The following USP6NL variants were observed in gnomAD, a reference collection of about 807,000 sequenced individuals.
The protein encoded by USP6NL is USP6 N-terminal like, also known as USP6 N-terminal-like protein.
USP6NL carries 26 observed loss-of-function variants against 61.9 expected under a neutral mutation model. That is an observed-to-expected ratio of 0.42 (90% CI 0.31 to 0.58). The LOEUF is 0.58. Ranked by LOEUF, USP6NL falls within the 20% of genes least tolerant of loss-of-function variation. The pLI is 0.16. For missense variants in USP6NL, 1,114 were observed against 1,034.3 expected (o/e 1.08, Z -1.06); for synonymous variants, 432 against 390.1 (o/e 1.11, Z -1.27).
At chr10:11,498,455 G>C (rs1416599270) in intron 7 of USP6NL, among the ~76,000 whole-genome samples, 2 of 151,782 alleles carry the variant, frequency 1.3e-5, no homozygotes, top group African/African-American at 4.8e-5. Flanking sequence ...AGCTTGGATA[G>C]TAAATCCTAC....
At position 11,591,243 on chromosome 10, in the gene USP6NL, T is replaced by C. The variant is rs1838150436; in HGVS notation, c.4+6388A>G. ...GAATTCGAAATAGTTCTCTTAAGAA[T>C]GGAGAGTCTCTTGAAACTATTATAA... On this transcript the variant is annotated intron_variant, in intron 2 of 14. Coordinates refer to ENST00000609104, the MANE Select transcript of USP6NL (RefSeq NM_014688.5). The surrounding 1 kb of genome is among the most constrained non-coding windows in gnomAD (Gnocchi z 4.7). Among the ~76,000 whole-genome samples, 1 of 152,184 alleles carries C rather than the reference T, an allele frequency of 6.6e-6. No individual in the cohort carries two copies. Among genetic ancestry groups the C allele is most frequent in the Non-Finnish European group, 1.5e-5 (1 of 68,024 alleles).
chr10:11,476,078 AG>A lies in USP6NL; in HGVS notation c.1078+5691del, dbSNP rs71511385. On this transcript the variant is annotated intron_variant, in intron 14 of 14. Transcript: ENST00000609104. This position sits in a 1 kb window ranked among gnomAD's most constrained non-coding sequence, Gnocchi z 4.3. ...GAGGAAAACAAAAGGTGGGGTGAAG[AG>A]GGGGGAAGAGGAAAGGTGTACTGCT... Among the ~76,000 whole-genome samples the A allele has an allele frequency of 2.0e-5, 3 of 152,226 alleles. No homozygotes were observed. The highest frequency in any genetic ancestry group is 7.2e-5 in the African/African-American group (3 of 41,542).
intron 2 of USP6NL, among the ~76,000 whole-genome samples, chr10:11,549,191 C>T (rs1042015101): frequency 2.0e-5 from 3 of 152,120 alleles, no homozygotes; most frequent in African/African-American, 7.2e-5. Flanking sequence ...CGACCTTGAG[C>T]CTCAATGACC....
chr10:11,591,248 A>G lies in USP6NL; in HGVS notation c.4+6383T>C, dbSNP rs1340058382. Among the ~76,000 whole-genome samples, 2 of 152,084 alleles carry G rather than the reference A, an allele frequency of 1.3e-5. No individual in the cohort carries two copies. The highest frequency in any genetic ancestry group is 2.9e-5 in the Non-Finnish European group (2 of 68,002). ...CGAAATAGTTCTCTTAAGAATGGAGAGTCTCTTGAAACTATTATAAAGAAG... is the reference window on the plus strand; with the variant it reads ...CGAAATAGTTCTCTTAAGAATGGAGGGTCTCTTGAAACTATTATAAAGAAG... On this transcript the variant is annotated intron_variant, in intron 2 of 14. Coordinates refer to ENST00000609104, the MANE Select transcript of USP6NL (RefSeq NM_014688.5). This position sits in a 1 kb window ranked among gnomAD's most constrained non-coding sequence, Gnocchi z 4.7.
intron 2 of USP6NL, among the ~76,000 whole-genome samples, chr10:11,577,000 C>T (rs943196582): frequency 2.0e-5 from 3 of 151,464 alleles, no homozygotes; most frequent in Non-Finnish European, 4.4e-5. Context: ...TGGTATATTT[C>T]TCTATTTCTA....
intron 1 of USP6NL, among the ~76,000 whole-genome samples, chr10:11,605,478 A>G (rs557681674): frequency 1.3e-5 from 2 of 152,330 alleles, no homozygotes; most frequent in African/African-American, 2.4e-5. Context: ...TTCAAACACA[A>G]TGACCAGCAC....
At position 11,496,784 on chromosome 10, in the gene USP6NL, CTGGGCATGTCTAGAATAAGGCTATT is replaced by C. The variant is rs1256337323; in HGVS notation, c.385-3581_385-3557del. 2.6e-5 allele frequency among the ~76,000 whole-genome samples: 4 copies of C among 152,140 alleles called. No individual in the cohort carries two copies. The Middle Eastern group carries it at 0.01, about 388-fold the overall frequency. On this transcript the variant is annotated intron_variant, in intron 7 of 14. Transcript: ENST00000609104. This position sits in a 1 kb window ranked among gnomAD's most constrained non-coding sequence, Gnocchi z 5.4. Reference sequence around the variant, plus strand: ...CTGGGGATGTCTATTATAAGGCTATCTGGGCATGTCTAGAATAAGGCTATTTGGGCATGTCTAGAATAAGTATGTG... The same window carrying C: ...CTGGGGATGTCTATTATAAGGCTATCTGGGCATGTCTAGAATAAGTATGTG...
intron 6 of USP6NL, among the ~76,000 whole-genome samples, chr10:11,505,318 T>C (rs904988212): frequency 5.3e-5 from 8 of 152,218 alleles, no homozygotes; most frequent in Non-Finnish European, 1.0e-4. Context: ...GCTGACACTA[T>C]GCTATGTGTT....
At chr10:11,583,459 G>A (rs770747519) in intron 2 of USP6NL, among the ~76,000 whole-genome samples, 6 of 151,990 alleles carry the variant, frequency 3.9e-5, no homozygotes, top group Non-Finnish European at 8.8e-5. Context: ...CCAAAGTGCT[G>A]GGATTACAGG....
At position 11,462,017 on chromosome 10, in the gene USP6NL, A is replaced by C. The variant is rs2096216020; in HGVS notation, c.*424T>G. The C allele has an allele frequency of 6.3e-6, 1 of 157,604 alleles. No individual in the cohort carries two copies. The highest frequency in any genetic ancestry group is 6.3e-5 in the Admixed American group (1 of 15,856). The allele number at this position is 157,604 out of a possible 1,614,324, so 9.8% of individuals were successfully genotyped here. A position where few individuals can be genotyped will look rare whatever the true frequency, so the allele number is the denominator to read the frequency against. On this transcript the variant is annotated 3_prime_UTR_variant, in exon 15 of 15. Transcript: ENST00000609104. ...TCTGTGTTCAAATGTGGATGAACAG[A>C]TGCCTATATCTATTAAAAGACACAT...
chr10:11,566,379 T>C (rs1002358675), intron 2 of USP6NL, among the ~76,000 whole-genome samples: 3 of 152,230 alleles, frequency 2.0e-5, no homozygotes, highest in African/African-American at 7.2e-5. Flanking sequence ...GCATATTTGT[T>C]TATTTACCAA....
rs1452624445 is a variant in USP6NL at position 11,482,293 on chromosome 10, C to T, written c.926-371G>A. Reference sequence around the variant, plus strand: ...GCCTTTCTCTTTTATTGATACGGAGCTCCAAGAAGCCCCATTTTAAGTCTG... The same window carrying T: ...GCCTTTCTCTTTTATTGATACGGAGTTCCAAGAAGCCCCATTTTAAGTCTG... On this transcript the variant is annotated intron_variant, in intron 13 of 14. Transcript: ENST00000609104. This position sits in a 1 kb window ranked among gnomAD's most constrained non-coding sequence, Gnocchi z 4.0. Among the ~76,000 whole-genome samples the T allele has an allele frequency of 6.6e-6, 1 of 152,234 alleles. No individual in the cohort carries two copies. Among genetic ancestry groups the T allele is most frequent in the Non-Finnish European group, 1.5e-5 (1 of 68,038 alleles).
At chr10:11,529,176 T>C (rs1186819070) in intron 2 of USP6NL, among the ~76,000 whole-genome samples, 1 of 150,604 alleles carries the variant, frequency 6.6e-6, no homozygotes, top group African/African-American at 2.4e-5. Context: ...AACCAAGACA[T>C]AGAAAAAAAA....
rs1363620306 is a variant in USP6NL, at chr10:11,537,672, A to G, written c.5-10105T>C. ...AAATTCTATAAATGCCCAGTTGCCA[A>G]GCAAGTAGGGTCAGTGGGGCTGGGG... On this transcript the variant is annotated intron_variant, in intron 2 of 14. Coordinates refer to ENST00000609104, the MANE Select transcript of USP6NL (RefSeq NM_014688.5). The surrounding 1 kb of genome is among the most constrained non-coding windows in gnomAD (Gnocchi z 5.1). 6.6e-6 allele frequency among the ~76,000 whole-genome samples: 1 copy of G among 152,220 alleles called. No individual in the cohort carries two copies. Among genetic ancestry groups the G allele is most frequent in the African/African-American group, 2.4e-5 (1 of 41,452 alleles).
intron 14 of USP6NL, among the ~76,000 whole-genome samples, chr10:11,479,217 C>G (rs1370780973): frequency 1.3e-5 from 2 of 152,080 alleles, no homozygotes. Flanking sequence ...AAGCAAGAAG[C>G]CATAGGGAAA....
At chr10:11,568,382 A>G (rs1259192872) in intron 2 of USP6NL, among the ~76,000 whole-genome samples, 1 of 152,190 alleles carries the variant, frequency 6.6e-6, no homozygotes, top group African/African-American at 2.4e-5. Context: ...TGACTTACCT[A>G]AAGTCATATG....
chr10:11,598,540 A>C lies in USP6NL; in HGVS notation c.-83-823T>G, dbSNP rs2133668853. 6.6e-6 allele frequency among the ~76,000 whole-genome samples: 1 copy of C among 152,328 alleles called. No homozygotes were observed. Among genetic ancestry groups the C allele is most frequent in the South Asian group, 2.1e-4 (1 of 4,830 alleles). On this transcript the variant is annotated intron_variant, in intron 1 of 14. Coordinates refer to ENST00000609104, the MANE Select transcript of USP6NL (RefSeq NM_014688.5). The surrounding 1 kb of genome is among the most constrained non-coding windows in gnomAD (Gnocchi z 4.7). Reference sequence around the variant, plus strand: ...ATTAATGCTATATTTAAACATAACCATGGATGCACAAATGCCTACCTAAAT... The same window carrying C: ...ATTAATGCTATATTTAAACATAACCCTGGATGCACAAATGCCTACCTAAAT...
At chr10:11,508,355 G>C (rs1834548316) in intron 6 of USP6NL, among the ~76,000 whole-genome samples, 1 of 152,190 alleles carries the variant, frequency 6.6e-6, no homozygotes. Flanking sequence ...AGGAAACTGA[G>C]GCTTAGACAT....
chr10:11,558,424 T>C (rs1304902308), intron 2 of USP6NL, among the ~76,000 whole-genome samples: 6 of 152,186 alleles, frequency 3.9e-5, no homozygotes, highest in African/African-American at 9.7e-5. Context: ...AAATGGTGAA[T>C]GCTTTATCTA....
Sources: allele counts gnomAD v4.1 joint callset (sites outside exome capture counted in the v4.1 genomes callset), GRCh38; gene constraint gnomAD v4.1.1; non-coding constraint Gnocchi (gnomAD v3.1); transcripts MANE v1.5; gene names NCBI Gene and HGNC (gene_info 2026-07-23, HGNC 2026-07-21).